SSBP2: variants seen among roughly 807,000 people sequenced by gnomAD.
SSBP2 encodes single stranded DNA binding protein 2, also known as single-stranded DNA-binding protein 2.
A neutral mutation model predicts 61.8 loss-of-function variants in SSBP2; 17 were observed. The ratio of observed to expected loss-of-function variants is 0.28; its 90% CI spans 0.19 to 0.41. SSBP2 has a LOEUF of 0.41. SSBP2 is among the 10% of genes least tolerant of loss of function. SSBP2 has a pLI of 1.00. For missense variants in SSBP2, 310 were observed against 458.7 expected (o/e 0.68, Z 2.96); for synonymous variants, 139 against 141.3 (o/e 0.98, Z 0.12).
Position 81,488,580 on chromosome 5 carries a change from T to C in SSBP2, c.432+670A>G, listed in dbSNP as rs1766608994. ...ATTTTTTTTATATTATACTTTAAGT[T>C]TTAGGGTACATGTGCACAACGTGCA... On this transcript the variant is annotated intron_variant, in intron 6 of 16. Transcript: ENST00000320672. 2.0e-5 allele frequency among the ~76,000 whole-genome samples: 3 copies of C among 152,202 alleles called. No individual in the cohort carries two copies. The South Asian group carries it at 6.2e-4, about 32-fold the overall frequency.
At position 81,631,442 on chromosome 5, in the gene SSBP2, G is replaced by A. The variant is rs148899604; in HGVS notation, c.197+5115C>T. 6.1e-3 allele frequency among the ~76,000 whole-genome samples: 920 copies of A among 150,186 alleles called. 12 individuals carry two copies. Among genetic ancestry groups the A allele is most frequent in the African/African-American group, 0.021 (863 of 40,818 alleles). On this transcript the variant is annotated intron_variant, in intron 3 of 16. Transcript: ENST00000320672. ...AGATGCTAAGAGACGAGTGTAAACC[G>A]TACTGAGTAAGAAATTCTTTTAATA...
intron 13 of SSBP2, 35 bp from the exon 14 acceptor site, chr5:81,440,671 ACTG>A (rs1322993771): frequency 6.9e-7 from 1 of 1,457,250 alleles, no homozygotes; most frequent in East Asian, 2.3e-5. Flanking sequence ...CTGTAATCAT[ACTG>A]AAAACAATGG....
At chr5:81,644,390 T>C (rs1272458726) in intron 2 of SSBP2, among the ~76,000 whole-genome samples, 1 of 152,138 alleles carries the variant, frequency 6.6e-6, no homozygotes. Context: ...AGGAAGTTGC[T>C]CATGGTCTCT....
chr5:81,426,672 G>A (rs1401057088), intron 16 of SSBP2, among the ~76,000 whole-genome samples: 3 of 152,194 alleles, frequency 2.0e-5, no homozygotes, highest in Admixed American at 1.3e-4. Flanking sequence ...TTCTGTGCAA[G>A]GAAGTTCTCC....
intron 1 of SSBP2, among the ~76,000 whole-genome samples, chr5:81,687,630 A>T (rs1752913915): frequency 6.6e-6 from 1 of 152,150 alleles, no homozygotes; most frequent in Non-Finnish European, 1.5e-5. Context: ...AAGAGTAAAG[A>T]GGGCTTTGTT....
intron 1 of SSBP2, among the ~76,000 whole-genome samples, chr5:81,686,590 C>T (rs1053171565): frequency 2.6e-5 from 4 of 152,084 alleles, no homozygotes; most frequent in South Asian, 2.1e-4. Context: ...GGCACGGTAG[C>T]TCATGCCTGT....
At chr5:81,632,664 A>G (rs1032869952) in intron 3 of SSBP2, among the ~76,000 whole-genome samples, 2 of 151,794 alleles carry the variant, frequency 1.3e-5, no homozygotes, top group African/African-American at 4.8e-5. Context: ...GGGGTTTTAA[A>G]CCATTAAAAT....
At chr5:81,477,120 T>C (rs968354269) in intron 6 of SSBP2, among the ~76,000 whole-genome samples, 1 of 152,146 alleles carries the variant, frequency 6.6e-6, no homozygotes, top group Non-Finnish European at 1.5e-5. Context: ...GACCTAGGCT[T>C]GGAATCAGCT....
chr5:81,751,375 G>T (rs942113076), upstream of SSBP2: 4 of 473,950 alleles, frequency 8.4e-6, no homozygotes, highest in East Asian at 1.1e-4. Context: ...CGGGCGCAAG[G>T]GGGGAATTAG....
chr5:81,552,658 AG>A (rs1772296856), intron 4 of SSBP2, among the ~76,000 whole-genome samples: 1 of 151,662 alleles, frequency 6.6e-6, no homozygotes, highest in South Asian at 2.1e-4. Context: ...AAAAGAAAAA[AG>A]AAAGAAGAAA....
At chr5:81,745,801 ATTG>A (rs1465155445) in intron 1 of SSBP2, among the ~76,000 whole-genome samples, 5 of 152,068 alleles carry the variant, frequency 3.3e-5, no homozygotes, top group Non-Finnish European at 7.4e-5. Context: ...CTAAATTTGA[ATTG>A]TTTTTTCCCC....
At chr5:81,751,238 C>G, upstream of SSBP2, 1 of 607,134 alleles carries the variant, frequency 1.6e-6, no homozygotes, top group South Asian at 1.9e-5. Context: ...CCGAAGCGCG[C>G]GGTGGCGGCT....
At chr5:81,521,755 T>C (rs1244303671) in intron 4 of SSBP2, among the ~76,000 whole-genome samples, 2 of 152,026 alleles carry the variant, frequency 1.3e-5, no homozygotes, top group South Asian at 2.1e-4. Flanking sequence ...TTCTTTTTTG[T>C]TGTAATGTTG....
At chr5:81,694,164 G>A (rs1290723889) in intron 1 of SSBP2, among the ~76,000 whole-genome samples, 1 of 152,148 alleles carries the variant, frequency 6.6e-6, no homozygotes, top group African/African-American at 2.4e-5. Flanking sequence ...TAGAATGACA[G>A]TTATTAGAGT....
chr5:81,481,001 T>C (rs772115716), intron 6 of SSBP2, among the ~76,000 whole-genome samples: 2 of 152,204 alleles, frequency 1.3e-5, no homozygotes, highest in Admixed American at 6.5e-5. Context: ...TCCTTATCTG[T>C]CAAAGTTTTA....
chr5:81,667,357 C>T (rs1402851978), intron 1 of SSBP2, among the ~76,000 whole-genome samples: 1 of 150,492 alleles, frequency 6.6e-6, no homozygotes, highest in Admixed American at 6.6e-5. Context: ...TATAGGGGTT[C>T]CTTTACTAGA....
intron 1 of SSBP2, among the ~76,000 whole-genome samples, chr5:81,702,484 CA>C (rs1333558675): frequency 1.3e-5 from 2 of 152,052 alleles, no homozygotes; most frequent in African/African-American, 4.8e-5. Flanking sequence ...TCATGCAAAG[CA>C]ATAGAAACAA....
Position 81,473,711 on chromosome 5 carries a change from A to C in SSBP2, c.559T>G (p.Leu187Val). The stretch of plus-strand genomic sequence containing the variant: ...CACTGATTATTTACCTGTGGTCCTA[A>C]GGGCACCATTCCTCTTGGAGGAGTC... Residue 187 changes from leucine (L) to valine (V), a missense_variant, in exon 8 of 17, where the codon TTA (leucine) becomes GTA (valine). Coordinates refer to ENST00000320672, the MANE Select transcript of SSBP2 (RefSeq NM_012446.5). 6.2e-7 allele frequency: 1 copy of C among 1,613,890 alleles called. No individual in the cohort carries two copies. The highest frequency in any genetic ancestry group is 1.3e-5 in the African/African-American group (1 of 75,002).
In SSBP2 at chr5:81,751,057, C is replaced by A; in HGVS notation, c.-15G>T. ...TTGCCGTACATGCTTGTGCCGAGAGCAGCTCCCACTGTCACGCACCTGTCA... is the reference window on the plus strand; with the variant it reads ...TTGCCGTACATGCTTGTGCCGAGAGAAGCTCCCACTGTCACGCACCTGTCA... On this transcript the variant is annotated 5_prime_UTR_variant, in exon 1 of 17. Transcript: ENST00000320672. 2 of 1,584,308 alleles carry A rather than the reference C, an allele frequency of 1.3e-6. No individual in the cohort carries two copies. Among genetic ancestry groups the A allele is most frequent in the South Asian group, 2.3e-5 (2 of 86,796 alleles).
Sources: gnomAD v4.1 joint callset for allele counts (sites outside exome capture counted in the v4.1 genomes callset) on GRCh38, gnomAD v4.1.1 for gene constraint, MANE v1.5 for transcripts, NCBI Gene and HGNC (gene_info 2026-07-23, HGNC 2026-07-21) for gene names.